PKHD1L1: variants seen among roughly 807,000 people sequenced by gnomAD.
The protein encoded by PKHD1L1 is PKHD1 like 1.
PKHD1L1 carries 434 observed loss-of-function variants against 462.9 expected under a neutral mutation model. The ratio of observed to expected loss-of-function variants is 0.94; its 90% CI spans 0.87 to 1.02. The LOEUF is 1.02. Among genes scored for constraint, PKHD1L1 ranks in the 50% least tolerant of loss-of-function variants. The pLI is 0.00. For synonymous variants in PKHD1L1, 1,781 were observed against 1,750.0 expected (o/e 1.02, Z -0.44); for missense variants, 5,202 against 5,096.1 (o/e 1.02, Z -0.63).
intron 63 of PKHD1L1, 145 bp from the exon 64 acceptor site, chr8:109,496,774 A>C (rs937117027): frequency 1.2e-6 from 1 of 853,802 alleles, no homozygotes; most frequent in Non-Finnish European, 1.7e-6. Context: ...CAGAGCCATA[A>C]AAATATTTGA....
intron 76 of PKHD1L1, among the ~76,000 whole-genome samples, 167 bp from the exon 77 acceptor site, chr8:109,526,617 C>T (rs1332238690): frequency 1.3e-5 from 2 of 152,276 alleles, no homozygotes; most frequent in African/African-American, 2.4e-5. Context: ...ACTCTGAGAC[C>T]CTGTCTATAC....
intron 2 of PKHD1L1, among the ~76,000 whole-genome samples, chr8:109,375,764 C>G (rs534770025): frequency 1.3e-5 from 2 of 152,196 alleles, no homozygotes; most frequent in African/African-American, 4.8e-5. Flanking sequence ...GCTGGAGGTC[C>G]ACTCCAGACC....
intron 2 of PKHD1L1, among the ~76,000 whole-genome samples, chr8:109,374,989 T>C (rs1397870511): frequency 6.6e-6 from 1 of 152,216 alleles, no homozygotes; most frequent in African/African-American, 2.4e-5. Context: ...TTGGAGTTGC[T>C]CTTCTTGAGG....
At chr8:109,433,469 C>T (rs1815224725) in intron 28 of PKHD1L1, among the ~76,000 whole-genome samples, 1 of 152,098 alleles carries the variant, frequency 6.6e-6, no homozygotes, top group Non-Finnish European at 1.5e-5. Context: ...CTTTTTCCCC[C>T]CTTCATTTGG....
intron 31 of PKHD1L1, 123 bp downstream of exon 31, chr8:109,438,579 ATG>A: frequency 2.5e-6 from 2 of 798,956 alleles, no homozygotes; most frequent in Admixed American, 3.5e-5. Context: ...TTATAGTGTT[ATG>A]TGTGTGTATG....
intron 23 of PKHD1L1, 102 bp from the exon 24 acceptor site, chr8:109,424,983 G>T: frequency 1.0e-6 from 1 of 957,796 alleles, no homozygotes; most frequent in Non-Finnish European, 1.5e-6. Context: ...AATACATGAG[G>T]CTCATTTATG....
intron 14 of PKHD1L1, among the ~76,000 whole-genome samples, chr8:109,402,328 A>G (rs1038898339): frequency 1.3e-5 from 2 of 152,194 alleles, no homozygotes; most frequent in African/African-American, 4.8e-5. Context: ...ATTTTGCACA[A>G]TTTTATAGTT....
chr8:109,522,607 G>T (rs1469791122), intron 74 of PKHD1L1, 137 bp from the exon 75 acceptor site: 1 of 993,004 alleles, frequency 1.0e-6, no homozygotes, highest in Non-Finnish European at 1.4e-6. Flanking sequence ...AGGAAATATT[G>T]TAATTATATT....
At chr8:109,418,479 T>A (rs533980939) in intron 21 of PKHD1L1, among the ~76,000 whole-genome samples, 2 of 152,350 alleles carry the variant, frequency 1.3e-5, no homozygotes, top group South Asian at 4.1e-4. Context: ...CTTATATATG[T>A]GTTACAAACT....
chr8:109,370,092 C>T (rs1378439371), intron 2 of PKHD1L1, among the ~76,000 whole-genome samples: 2 of 152,100 alleles, frequency 1.3e-5, no homozygotes, highest in African/African-American at 4.8e-5. Flanking sequence ...ATCCCGGCTA[C>T]CCACTTACTG....
rs532806333 is a variant in PKHD1L1 at position 109,435,045 on chromosome 8, A to C, written c.3341-145A>C. The C allele has an allele frequency of 4.1e-5, 31 of 760,962 alleles. No homozygotes were observed. The African/African-American group carries it at 4.6e-4, about 11-fold the overall frequency. 47.1% of individuals were successfully genotyped at this position (760,962 alleles called of 1,614,324 possible). A position where few individuals can be genotyped will look rare whatever the true frequency, so the allele number is the denominator to read the frequency against. On this transcript the variant is annotated intron_variant, in intron 28 of 77. Transcript: ENST00000378402. ...GAATTATTCCTCCTAAGATTCCCCC[A>C]CACATTAATATATGATTGGTTTTCT...
rs528527300 is a variant in PKHD1L1, at chr8:109,389,109, A to T, written c.654A>T (p.Gly218=). The part of the protein sequence containing the change: ...LYGLKLDHPN[G]DMGSMVCKTT... ...GTCTAAAACTGGATCATCCAAATGG[A>T]GATATGGGTTCTATGGTTTGTAAGA... is the stretch of plus-strand genomic sequence containing the variant. Residue 218 remains glycine (G), a synonymous_variant, in exon 8 of 78, where the codon GGA becomes GGT. Transcript: ENST00000378402. The T allele has an allele frequency of 6.2e-7, 1 of 1,610,876 alleles. No individual in the cohort carries two copies. The highest frequency in any genetic ancestry group is 1.3e-5 in the African/African-American group (1 of 74,858).
At chr8:109,417,841 CA>C (rs2130632695) in intron 21 of PKHD1L1, among the ~76,000 whole-genome samples, 1 of 152,308 alleles carries the variant, frequency 6.6e-6, no homozygotes, top group South Asian at 2.1e-4. Flanking sequence ...TGAGCCACTG[CA>C]CCTGGTCTCT....
intron 16 of PKHD1L1, 44 bp from the exon 17 acceptor site, chr8:109,406,291 C>A (rs972966265): frequency 2.6e-6 from 4 of 1,514,530 alleles, no homozygotes; most frequent in Non-Finnish European, 3.5e-6. Context: ...AGAAAGATTT[C>A]AACTTTTCTG....
At chr8:109,376,114 G>GTA (rs1811810162) in intron 2 of PKHD1L1, among the ~76,000 whole-genome samples, 1 of 152,236 alleles carries the variant, frequency 6.6e-6, no homozygotes, top group Non-Finnish European at 1.5e-5. Flanking sequence ...GCCTACAGAG[G>GTA]CAGGCAGGCC....
intron 13 of PKHD1L1, 117 bp downstream of exon 13, chr8:109,400,461 A>C (rs1488942467): frequency 7.3e-6 from 9 of 1,227,610 alleles, no homozygotes; most frequent in Non-Finnish European, 9.9e-6. Flanking sequence ...AAATGATGTC[A>C]TGTGGTTTGG....
chr8:109,498,390 C>G lies in PKHD1L1; in HGVS notation c.10600-72C>G. 1.8e-6 allele frequency: 2 copies of G among 1,099,042 alleles called. 1 individual carries two copies. Among genetic ancestry groups the G allele is most frequent in the Non-Finnish European group, 2.7e-6 (2 of 728,758 alleles). The allele number at this position is 1,099,042 out of a possible 1,614,324, so 68.1% of individuals were successfully genotyped here. ...TGCTGGGATTACAGGCGTGAGCCAC[C>G]GCGCCCGGCCCATGTTTTCTTTTAG... On this transcript the variant is annotated intron_variant, in intron 65 of 77. Coordinates refer to ENST00000378402, the MANE Select transcript of PKHD1L1 (RefSeq NM_177531.6).
chr8:109,376,617 C>T (rs200674291), intron 2 of PKHD1L1, among the ~76,000 whole-genome samples: 14 of 152,124 alleles, frequency 9.2e-5, no homozygotes, highest in Admixed American at 3.9e-4. Context: ...AGACTGGAGC[C>T]GTTCCTATTA....
chr8:109,393,869 A>G (rs531458440), intron 9 of PKHD1L1, among the ~76,000 whole-genome samples: 1 of 152,280 alleles, frequency 6.6e-6, no homozygotes, highest in East Asian at 1.9e-4. Context: ...TTTTATGTCA[A>G]TATAATTTCT....
Sources: allele counts gnomAD v4.1 joint callset (sites outside exome capture counted in the v4.1 genomes callset), GRCh38; gene constraint gnomAD v4.1.1; transcripts MANE v1.5; gene names NCBI Gene and HGNC (gene_info 2026-07-23, HGNC 2026-07-21).